Variants in GLDC observed in about 807,000 individuals in gnomAD.
GLDC encodes glycine dehydrogenase (decarboxylating), mitochondrial.
In GLDC, 104 loss-of-function variants were observed where a neutral mutation model predicts 121.3. The observed-to-expected ratio is 0.86, with a 90% confidence interval of 0.73 to 1.01. The LOEUF is 1.01. Ranked by LOEUF, GLDC falls within the 50% of genes least tolerant of loss-of-function variation. GLDC has a pLI of 0.00. For missense variants in GLDC, 1,429 were observed against 1,306.6 expected (o/e 1.09, Z -1.44); for synonymous variants, 546 against 480.6 (o/e 1.14, Z -1.78).
At chr9:6,624,690 A>G (rs1277498905) in intron 2 of GLDC, among the ~76,000 whole-genome samples, 1 of 152,204 alleles carries the variant, frequency 6.6e-6, no homozygotes, top group Non-Finnish European at 1.5e-5. Context: ...TGGCCAGTTA[A>G]AAAAGGCTCA....
Position 6,622,960 on chromosome 9 carries a change from T to C in GLDC, c.335-2641A>G, listed in dbSNP as rs1199942157. The stretch of plus-strand genomic sequence containing the variant: ...CCCCGTCTGGGAGGTGAGGAACGTC[T>C]CCGCCCGGCAGCCACCCCGTCCGGG... On this transcript the variant is annotated intron_variant, in intron 2 of 24. Transcript: ENST00000321612. 4.3e-5 allele frequency: 8 copies of C among 186,860 alleles called. No individual in the cohort carries two copies. The South Asian group carries it at 5.8e-4, about 14-fold the overall frequency. 11.6% of individuals were successfully genotyped at this position (186,860 alleles called of 1,614,324 possible).
chr9:6,606,937 C>G (rs1381180866), intron 4 of GLDC, among the ~76,000 whole-genome samples: 1 of 152,000 alleles, frequency 6.6e-6, no homozygotes, highest in Non-Finnish European at 1.5e-5. Flanking sequence ...CCGGTGCATG[C>G]CTGTAATCCC....
intron 16 of GLDC, among the ~76,000 whole-genome samples, chr9:6,564,923 T>C (rs1817825550): frequency 6.6e-6 from 1 of 152,228 alleles, no homozygotes; most frequent in Non-Finnish European, 1.5e-5. Context: ...CAACAAATAT[T>C]GTTTGAGCAT....
At chr9:6,625,889 G>A (rs979840614) in intron 2 of GLDC, among the ~76,000 whole-genome samples, 4 of 151,406 alleles carry the variant, frequency 2.6e-5, no homozygotes, top group African/African-American at 9.7e-5. Context: ...CAAGTTTTCT[G>A]AAAAATGCAC....
chr9:6,585,509 A>G (rs905315028), intron 15 of GLDC, among the ~76,000 whole-genome samples: 2 of 152,220 alleles, frequency 1.3e-5, no homozygotes, highest in African/African-American at 4.8e-5. Flanking sequence ...TTAAGACGCA[A>G]TTGAGAGCAC....
chr9:6,560,428 T>G (rs902337237), intron 16 of GLDC, among the ~76,000 whole-genome samples: 3 of 152,232 alleles, frequency 2.0e-5, no homozygotes, highest in African/African-American at 7.2e-5. Flanking sequence ...AGAACGGCTG[T>G]TGGTCTCATA....
intron 20 of GLDC, among the ~76,000 whole-genome samples, chr9:6,552,937 C>A (rs1472532544): frequency 6.6e-6 from 1 of 151,842 alleles, no homozygotes; most frequent in Admixed American, 6.6e-5. Context: ...TGGCCCCCCC[C>A]AAGAAATATA....
chr9:6,566,080 A>T (rs929106415), intron 15 of GLDC, among the ~76,000 whole-genome samples: 28 of 152,176 alleles, frequency 1.8e-4, no homozygotes, highest in African/African-American at 5.1e-4. Context: ...TGTCTCCACT[A>T]AAAGTACAAA....
At position 6,645,541 on chromosome 9, in the gene GLDC, C is replaced by G; in HGVS notation, c.-42G>C. 7.7e-7 allele frequency: 1 copy of G among 1,291,030 alleles called. No homozygotes were observed. The highest frequency in any genetic ancestry group is 2.0e-5 in the South Asian group (1 of 49,790). 80.0% of individuals were successfully genotyped at this position (1,291,030 alleles called of 1,614,324 possible). A position where few individuals can be genotyped will look rare whatever the true frequency, so the allele number is the denominator to read the frequency against. On this transcript the variant is annotated 5_prime_UTR_variant, in exon 1 of 25. Transcript: ENST00000321612. ...CCCTGCCCCGGCCCGCAAGGGTCAG[C>G]CGCGCTCTTGGCCCCTCTCCTGGCC...
At chr9:6,560,356 T>C (rs1284960426) in intron 16 of GLDC, among the ~76,000 whole-genome samples, 1 of 152,232 alleles carries the variant, frequency 6.6e-6, no homozygotes, top group Non-Finnish European at 1.5e-5. Flanking sequence ...AAGAAAACAT[T>C]AGCCAAAGGC....
At chr9:6,628,885 C>A (rs903222156) in intron 2 of GLDC, among the ~76,000 whole-genome samples, 1 of 152,142 alleles carries the variant, frequency 6.6e-6, no homozygotes. Context: ...ACAGTAAATT[C>A]TTTTCTTGCA....
At chr9:6,630,326 TA>T (rs942482755) in intron 2 of GLDC, among the ~76,000 whole-genome samples, 46 of 152,158 alleles carry the variant, frequency 3.0e-4, no homozygotes, top group African/African-American at 1.1e-3. Context: ...ATCCTCCTTG[TA>T]AAATACATGG....
At chr9:6,558,122 T>G (rs1563836666) in intron 17 of GLDC, 2 of 246,748 alleles carry the variant, frequency 8.1e-6, no homozygotes, top group Non-Finnish European at 7.8e-6. Context: ...AGAGTGGGGG[T>G]TGGTGGAAAC....
chr9:6,621,737 C>T (rs1587973816), intron 2 of GLDC, among the ~76,000 whole-genome samples: 1 of 152,114 alleles, frequency 6.6e-6, no homozygotes, highest in Non-Finnish European at 1.5e-5. Flanking sequence ...AGGCTGGTCT[C>T]GAACTTCTGA....
chr9:6,607,833 A>G (rs1375149886), intron 4 of GLDC, among the ~76,000 whole-genome samples: 1 of 151,802 alleles, frequency 6.6e-6, no homozygotes, highest in Non-Finnish European at 1.5e-5. Flanking sequence ...TATTAAAAAA[A>G]TAAAATTGGC....
chr9:6,588,977 T>A (rs1818323030), intron 12 of GLDC, among the ~76,000 whole-genome samples: 1 of 152,150 alleles, frequency 6.6e-6, no homozygotes. Context: ...CAATTATTCA[T>A]CCCTGCTTCC....
At chr9:6,616,291 C>T (rs950822928) in intron 3 of GLDC, among the ~76,000 whole-genome samples, 2 of 152,120 alleles carry the variant, frequency 1.3e-5, no homozygotes, top group East Asian at 1.9e-4. Flanking sequence ...CTTTTCTGTC[C>T]CTTATGTAAT....
chr9:6,620,076 G>C (rs754850755), intron 3 of GLDC, 108 bp downstream of exon 3: 16 of 1,032,392 alleles, frequency 1.5e-5, no homozygotes, highest in Non-Finnish European at 2.3e-5. Context: ...ACAGCACTAG[G>C]AGGTGGGTGT....
rs201678591 is a variant in GLDC at position 6,602,155 on chromosome 9, T to C, written c.1109A>G (p.Gln370Arg). The C allele has an allele frequency of 6.2e-7, 1 of 1,613,696 alleles. No homozygotes were observed. Among genetic ancestry groups the C allele is most frequent in the Non-Finnish European group, 8.5e-7 (1 of 1,179,632 alleles). The change falls in exon 8 of 25, where the codon CAA becomes CGA. Residue 370 changes from glutamine to arginine, a missense_variant. Gln to Arg is a conservative substitution (Grantham distance 43, BLOSUM62 1). Transcript: ENST00000321612. The part of the protein sequence containing the change: ...VYRLALQTRE[Q>R]HIRRDKATSN... ...GGTAGCCTTGTCTCTCCGAATGTGT[T>C]GCTCCCTGGTTTGAAGAGCAAGACG...
Sources: gnomAD v4.1 joint callset for allele counts (sites outside exome capture counted in the v4.1 genomes callset) on GRCh38, gnomAD v4.1.1 for gene constraint, MANE v1.5 for transcripts, NCBI Gene and HGNC (gene_info 2026-07-23, HGNC 2026-07-21) for gene names.